Variants in MACROH2A1 observed in about 807,000 individuals in gnomAD.
MACROH2A1 encodes macroH2A.1 histone.
A neutral mutation model predicts 31.6 loss-of-function variants in MACROH2A1; 2 were observed. That is an observed-to-expected ratio of 0.06 (90% confidence interval 0.03 to 0.20). The LOEUF (loss-of-function observed/expected upper bound fraction) is 0.20. MACROH2A1 is among the 10% of genes least tolerant of loss of function. The probability of loss-of-function intolerance (pLI) is 1.00; values close to 1 mark genes in which losing one functional copy is unlikely to be tolerated. For missense variants in MACROH2A1, 230 were observed against 474.0 expected, an observed-to-expected ratio of 0.49 and a Z score of 4.78; for synonymous variants, 169 against 189.6, an observed-to-expected ratio of 0.89 and a Z score of 0.89.
rs187070294 is a variant in MACROH2A1 at position 135,336,806 on chromosome 5, G to T, written c.954-1665C>A. Among the ~76,000 whole-genome samples, 246 of 152,342 alleles carry T rather than the reference G, an allele frequency of 1.6e-3. 1 individual carries two copies. The highest frequency in any genetic ancestry group is 6.8e-3 in the Middle Eastern group (2 of 294). On this transcript the variant is annotated intron_variant, in intron 8 of 8. Transcript: ENST00000511689. ...CCTGACTATATTCACAGGAGTCAAGGAGCACAGAGGACAGGTTATCTGGAA... is the reference window on the plus strand; with the variant it reads ...CCTGACTATATTCACAGGAGTCAAGTAGCACAGAGGACAGGTTATCTGGAA...
chr5:135,364,831 A>G (rs1763296010), intron 4 of MACROH2A1, among the ~76,000 whole-genome samples: 1 of 152,236 alleles, frequency 6.6e-6, no homozygotes, highest in Admixed American at 6.5e-5. Context: ...GGCTTCCCTT[A>G]CCAGAACGTT....
chr5:135,380,427 T>C (rs559179363), intron 2 of MACROH2A1, among the ~76,000 whole-genome samples: 48 of 152,268 alleles, frequency 3.2e-4, no homozygotes, highest in African/African-American at 1.2e-3. Context: ...AGCACTGCAG[T>C]GGTCAGTGGT....
chr5:135,396,872 A>T (rs1443073776), intron 1 of MACROH2A1, among the ~76,000 whole-genome samples: 1 of 151,726 alleles, frequency 6.6e-6, no homozygotes, highest in Non-Finnish European at 1.5e-5. Flanking sequence ...AAGCTATACA[A>T]CTCTTTGGAA....
chr5:135,393,375 C>A (rs1218733721), intron 1 of MACROH2A1, among the ~76,000 whole-genome samples: 1 of 152,222 alleles, frequency 6.6e-6, no homozygotes, highest in Non-Finnish European at 1.5e-5. Flanking sequence ...TGGCTATTTA[C>A]TCAGAAGAAA....
rs970653323 is a variant in MACROH2A1 at position 135,345,762 on chromosome 5, A to AT, written c.778+205dup. 5.4e-5 allele frequency: 29 copies of AT among 539,752 alleles called. No individual in the cohort carries two copies. The African/African-American group carries it at 5.5e-4, about 10-fold the overall frequency. The allele number at this position is 539,752 out of a possible 1,614,324, so 33.4% of individuals were successfully genotyped here. ...AAACATATAGGAGCTATTTTAAGTA[A>AT]TAAAAAAAAATGCAAAGGTGATTTT... On this transcript the variant is annotated intron_variant, in intron 7 of 8. Coordinates refer to ENST00000511689, the MANE Select transcript of MACROH2A1 (RefSeq NM_138610.3).
intron 2 of MACROH2A1, 87 bp from the exon 3 acceptor site, chr5:135,370,229 G>A (rs771008462): frequency 2.3e-5 from 18 of 767,080 alleles, no homozygotes; most frequent in Non-Finnish European, 3.7e-5. Context: ...CCAGGAATGG[G>A]CAGAGGCAGC....
chr5:135,344,961 AG>A (rs1408272270), intron 7 of MACROH2A1: 1 of 152,248 alleles, frequency 6.6e-6, no homozygotes, highest in African/African-American at 2.4e-5. Flanking sequence ...CTGGTCAAAC[AG>A]GTGTTTTAAA....
intron 7 of MACROH2A1, chr5:135,345,482 G>GC (rs900397077): frequency 3.8e-5 from 6 of 158,234 alleles, no homozygotes; most frequent in African/African-American, 1.4e-4. Flanking sequence ...GAAGTACCCT[G>GC]CCTCCAGGTC....
At chr5:135,378,125 T>C (rs1210765982) in intron 2 of MACROH2A1, among the ~76,000 whole-genome samples, 1 of 152,166 alleles carries the variant, frequency 6.6e-6, no homozygotes, top group African/African-American at 2.4e-5. Context: ...CCAAAAAGCT[T>C]CCCACTCTCC....
chr5:135,383,962 T>A (rs915623046), intron 2 of MACROH2A1, among the ~76,000 whole-genome samples: 1 of 152,178 alleles, frequency 6.6e-6, no homozygotes, highest in African/African-American at 2.4e-5. Context: ...GAGCCAAGCC[T>A]GACTGTCCTC....
At chr5:135,373,198 G>A (rs763804285) in intron 2 of MACROH2A1, among the ~76,000 whole-genome samples, 13 of 152,294 alleles carry the variant, frequency 8.5e-5, no homozygotes, top group East Asian at 3.9e-4. Context: ...CTCAGTGGCC[G>A]TTGGTGGTCG....
intron 8 of MACROH2A1, among the ~76,000 whole-genome samples, chr5:135,341,320 C>T (rs966624447): frequency 2.0e-5 from 3 of 151,536 alleles, no homozygotes; most frequent in African/African-American, 7.3e-5. Context: ...CAGGACCAGA[C>T]AGCCCAGAGA....
Position 135,369,267 on chromosome 5 carries a change from A to T in MACROH2A1, c.477+139T>A, listed in dbSNP as rs138590830. 5.6e-4 allele frequency: 422 copies of T among 753,218 alleles called. 3 individuals are homozygous for T. The African/African-American group carries it at 6.1e-3, about 11-fold the overall frequency. The allele number at this position is 753,218 out of a possible 1,614,324, so 46.7% of individuals were successfully genotyped here. ...TGTTGGACTAGCCCCTCTGGAGAGT[A>T]ATCAGCTCCTACATGTTCCTCCTTT... On this transcript the variant is annotated intron_variant, in intron 4 of 8. Coordinates refer to ENST00000511689, the MANE Select transcript of MACROH2A1 (RefSeq NM_138610.3). This position sits in a 1 kb window ranked among gnomAD's most constrained non-coding sequence, Gnocchi z 4.3.
At position 135,346,122 on chromosome 5, in the gene MACROH2A1, A is replaced by G. The variant is rs906022880; in HGVS notation, c.689-65T>C. 6.7e-5 allele frequency: 61 copies of G among 911,722 alleles called. 1 individual carries two copies. Among genetic ancestry groups the G allele is most frequent in the Middle Eastern group, 6.4e-4 (3 of 4,682 alleles). The allele number at this position is 911,722 out of a possible 1,614,324, so 56.5% of individuals were successfully genotyped here. A position where few individuals can be genotyped will look rare whatever the true frequency, so the allele number is the denominator to read the frequency against. On this transcript the variant is annotated intron_variant, in intron 6 of 8. Transcript: ENST00000511689. ...TCTCCGGCACACACAGACACTTAGC[A>G]TGTCAGGTGATTACATACTTCAAAT... is the stretch of plus-strand genomic sequence containing the variant.
chr5:135,343,268 G>A lies in MACROH2A1; in HGVS notation c.945C>T (p.Gly315=), dbSNP rs575146406. 6.2e-6 allele frequency: 10 copies of A among 1,614,130 alleles called. No homozygotes were observed. The East Asian group carries it at 1.8e-4, about 29-fold the overall frequency. ...KLKSIAFPSI[G]SGRNGFPKQT... ...CAAGCATGTGCCCCTACCTGCCGCTGCCGATGGATGGAAATGCAATGGATT... is the reference window on the plus strand; with the variant it reads ...CAAGCATGTGCCCCTACCTGCCGCTACCGATGGATGGAAATGCAATGGATT... Residue 315 remains glycine, a synonymous_variant, in exon 8 of 9, where the codon GGC becomes GGT. Coordinates refer to ENST00000511689, the MANE Select transcript of MACROH2A1 (RefSeq NM_138610.3).
chr5:135,397,666 G>A (rs769355887), intron 1 of MACROH2A1, among the ~76,000 whole-genome samples: 2 of 152,214 alleles, frequency 1.3e-5, no homozygotes, highest in African/African-American at 2.4e-5. Context: ...AGAGTCTCTT[G>A]TGCAAGACTG....
In MACROH2A1 at chr5:135,398,691, G is replaced by C. The variant is rs1314592110; in HGVS notation, c.-34+371C>G. On this transcript the variant is annotated intron_variant, in intron 1 of 8. Transcript: ENST00000511689. The surrounding 1 kb of genome is among the most constrained non-coding windows in gnomAD (Gnocchi z 4.6). ...CCCAGGCCCAGACTGCCTAGCCAGCGCCGCGGGGCCTCCTGCGGCCTCGGG... is the reference window on the plus strand; with the variant it reads ...CCCAGGCCCAGACTGCCTAGCCAGCCCCGCGGGGCCTCCTGCGGCCTCGGG... 1.3e-5 allele frequency among the ~76,000 whole-genome samples: 2 copies of C among 152,192 alleles called. No individual in the cohort carries two copies. Among genetic ancestry groups the C allele is most frequent in the African/African-American group, 4.8e-5 (2 of 41,462 alleles).
intron 8 of MACROH2A1, chr5:135,343,015 G>A (rs1760164035): frequency 1.3e-6 from 1 of 796,098 alleles, no homozygotes; most frequent in African/African-American, 1.7e-5. Flanking sequence ...TACACACTGG[G>A]TTCCCCTTCT....
chr5:135,348,679 T>G (rs867544541), intron 6 of MACROH2A1, among the ~76,000 whole-genome samples: 2 of 152,210 alleles, frequency 1.3e-5, no homozygotes, highest in African/African-American at 4.8e-5. Context: ...GTAAAAGATA[T>G]CTGGGGTCAA....
Sources: gnomAD v4.1 joint callset for allele counts (sites outside exome capture counted in the v4.1 genomes callset) on GRCh38, gnomAD v4.1.1 for gene constraint, Gnocchi (gnomAD v3.1) non-coding constraint, MANE v1.5 for transcripts, NCBI Gene and HGNC (gene_info 2026-07-23, HGNC 2026-07-21) for gene names.